HIVEP2: variants seen among roughly 807,000 people sequenced by gnomAD.
The protein encoded by HIVEP2 is transcription factor HIVEP2.
Under a neutral mutation model 180.7 loss-of-function variants are expected in HIVEP2, and 14 were observed. The observed-to-expected ratio is 0.08, with a 90% CI of 0.05 to 0.12. The LOEUF is 0.12. Among genes scored for constraint, HIVEP2 ranks in the 10% least tolerant of loss-of-function variants. The pLI is 1.00. For missense variants in HIVEP2, 2,579 were observed against 3,008.5 expected, an observed-to-expected ratio of 0.86 and a Z score of 3.34; for synonymous variants, 1,184 against 1,136.4, an observed-to-expected ratio of 1.04 and a Z score of -0.84.
intron 1 of HIVEP2, among the ~76,000 whole-genome samples, chr6:142,861,865 A>G (rs1775985871): frequency 6.6e-6 from 1 of 152,190 alleles, no homozygotes; most frequent in South Asian, 2.1e-4. Flanking sequence ...TGGAAGCCTT[A>G]CTAGAGATTA....
intron 1 of HIVEP2, among the ~76,000 whole-genome samples, chr6:142,944,359 C>CCT (rs1778250530): frequency 1.2e-5 from 1 of 84,540 alleles, no homozygotes; most frequent in African/African-American, 4.8e-5. Flanking sequence ...GATCTGGAGT[C>CCT]CACCCCCCCC....
At chr6:142,918,586 A>G (rs749075593) in intron 1 of HIVEP2, among the ~76,000 whole-genome samples, 5 of 152,222 alleles carry the variant, frequency 3.3e-5, no homozygotes, top group Non-Finnish European at 5.9e-5. Flanking sequence ...CCATGAGATC[A>G]TGCCAAGCTG....
chr6:142,939,644 A>G (rs1434253732), intron 1 of HIVEP2, among the ~76,000 whole-genome samples: 1 of 152,208 alleles, frequency 6.6e-6, no homozygotes, highest in East Asian at 1.9e-4. Flanking sequence ...TAATCTTTCC[A>G]GTTGGAAAAA....
chr6:142,880,573 C>T (rs1188176473), intron 1 of HIVEP2, among the ~76,000 whole-genome samples: 1 of 152,178 alleles, frequency 6.6e-6, no homozygotes, highest in Non-Finnish European at 1.5e-5. Context: ...TAAAGGCATT[C>T]GGTGTCCTCT....
intron 1 of HIVEP2, among the ~76,000 whole-genome samples, chr6:142,914,129 G>A (rs889413125): frequency 3.3e-5 from 5 of 152,198 alleles, no homozygotes; most frequent in African/African-American, 1.2e-4. Flanking sequence ...GTAACCGTGG[G>A]CAAGCAACTG....
In HIVEP2 at chr6:142,770,491, G is replaced by C. The variant is rs374359675; in HGVS notation, c.4248C>G (p.Gly1416=). Residue 1416 remains glycine (G), a synonymous_variant, in exon 5 of 10, where the codon GGC becomes GGG. Transcript: ENST00000367603. The surrounding 1 kb of genome is among the most constrained non-coding windows in gnomAD (Gnocchi z 4.7). ...AACACAAGGGGATGGAGGATTCTAA[G>C]CCGAGGGGCAAAGTCTGAGGTGCTT... is the stretch of plus-strand genomic sequence containing the variant. ...IWKAPQTLPL[G]LESSIPLCLP... The C allele has an allele frequency of 6.2e-7, 1 of 1,614,196 alleles. No homozygotes were observed. Among genetic ancestry groups the C allele is most frequent in the Non-Finnish European group, 8.5e-7 (1 of 1,180,046 alleles).
intron 1 of HIVEP2, among the ~76,000 whole-genome samples, chr6:142,837,505 T>A (rs1775255055): frequency 6.6e-6 from 1 of 152,074 alleles, no homozygotes; most frequent in Admixed American, 6.6e-5. Flanking sequence ...TAGAAACTAA[T>A]ATCTAGACAG....
Position 142,768,394 on chromosome 6 carries a change from A to G in HIVEP2, c.5330T>C (p.Ile1777Thr). The G allele has an allele frequency of 6.2e-7, 1 of 1,610,678 alleles. No individual in the cohort carries two copies. The highest frequency in any genetic ancestry group is 8.5e-7 in the Non-Finnish European group (1 of 1,178,940). Residue 1777 changes from isoleucine (I) to threonine (T), a missense_variant, in exon 6 of 10, where the codon ATA becomes ACA. Physicochemically the swap from Ile to Thr is moderately conservative, Grantham distance 89. This residue lies in a region of HIVEP2 where 349 missense variants were observed against 367.2 expected (regional missense o/e 0.95). Coordinates refer to ENST00000367603, the MANE Select transcript of HIVEP2 (RefSeq NM_006734.4). ...SKQTEPIRIKIFEGGYKSNED... is the reference protein window; with the variant it reads ...SKQTEPIRIKTFEGGYKSNED... ...TTTGTTTCCTTACCCTCCTTCAAAT[A>G]TTTTAATTCGGATTGGCTCAGTTTG... is the stretch of plus-strand genomic sequence containing the variant.
At chr6:142,835,107 C>T (rs1314025947) in intron 2 of HIVEP2, among the ~76,000 whole-genome samples, 1 of 152,100 alleles carries the variant, frequency 6.6e-6, no homozygotes, top group Admixed American at 6.5e-5. Flanking sequence ...ATGACTATTA[C>T]CCCTATTAAT....
At chr6:142,755,628 G>A (rs976256171) in intron 9 of HIVEP2, among the ~76,000 whole-genome samples, 1 of 152,198 alleles carries the variant, frequency 6.6e-6, no homozygotes, top group Non-Finnish European at 1.5e-5. Flanking sequence ...GAGAGAGAGA[G>A]AGATGTCCTA....
intron 1 of HIVEP2, among the ~76,000 whole-genome samples, chr6:142,867,372 G>A (rs1776166609): frequency 6.6e-6 from 1 of 152,038 alleles, no homozygotes; most frequent in African/African-American, 2.4e-5. Flanking sequence ...AACTATCAGT[G>A]GTATTTATCA....
chr6:142,915,984 C>T (rs1408171794), intron 1 of HIVEP2, among the ~76,000 whole-genome samples: 2 of 152,198 alleles, frequency 1.3e-5, no homozygotes, highest in Non-Finnish European at 2.9e-5. Flanking sequence ...TGTGCCTCTG[C>T]CCATTCAGGC....
intron 2 of HIVEP2, among the ~76,000 whole-genome samples, chr6:142,792,375 T>C (rs1454411125): frequency 6.6e-6 from 1 of 152,164 alleles, no homozygotes; most frequent in Non-Finnish European, 1.5e-5. Context: ...AGTGGGATAC[T>C]ATGCAGCCAT....
chr6:142,757,809 G>A (rs1237227346), intron 9 of HIVEP2, among the ~76,000 whole-genome samples: 4 of 152,148 alleles, frequency 2.6e-5, no homozygotes, highest in Non-Finnish European at 5.9e-5. Flanking sequence ...AACTCCCTTA[G>A]TCCACTCTTC....
At chr6:142,905,780 A>G (rs1032381695) in intron 1 of HIVEP2, among the ~76,000 whole-genome samples, 2 of 152,240 alleles carry the variant, frequency 1.3e-5, no homozygotes, top group Non-Finnish European at 2.9e-5. Context: ...ATGGTTTTAG[A>G]ATATACAAGT....
chr6:142,803,696 G>T (rs1235548143), intron 2 of HIVEP2, among the ~76,000 whole-genome samples: 1 of 151,992 alleles, frequency 6.6e-6, no homozygotes, highest in East Asian at 1.9e-4. Context: ...CTGCATAGGC[G>T]TCAGCAAAAA....
chr6:142,768,474 G>T lies in HIVEP2; in HGVS notation c.5250C>A (p.Ile1750=). 6.2e-7 allele frequency: 1 copy of T among 1,613,182 alleles called. No individual in the cohort carries two copies. The highest frequency in any genetic ancestry group is 8.5e-7 in the Non-Finnish European group (1 of 1,179,572). The change falls in exon 6 of 10, where the codon ATC becomes ATA. Residue 1750 remains isoleucine, a synonymous_variant. Coordinates refer to ENST00000367603, the MANE Select transcript of HIVEP2 (RefSeq NM_006734.4). ...TATCTCCTTTCCCTCTTTCCTTTAA[G>T]ATATTTCCCACTAGTTTCCTTTCTA... The part of the protein sequence containing the change: ...SKLERKLVGN[I]LKERGKGDIH...
At chr6:142,848,250 G>A (rs1775564550) in intron 1 of HIVEP2, among the ~76,000 whole-genome samples, 1 of 152,190 alleles carries the variant, frequency 6.6e-6, no homozygotes, top group Admixed American at 6.5e-5. Context: ...CACAAATACA[G>A]TCTTATCTAT....
At chr6:142,865,778 C>T (rs970477658) in intron 1 of HIVEP2, among the ~76,000 whole-genome samples, 14 of 152,120 alleles carry the variant, frequency 9.2e-5, no homozygotes, top group Non-Finnish European at 1.5e-4. Flanking sequence ...GAAAGCGTTT[C>T]GCATGCTTCA....
Sources: gnomAD v4.1 joint callset for allele counts (sites outside exome capture counted in the v4.1 genomes callset) on GRCh38, gnomAD v4.1.1 for gene constraint, gnomAD v4.1.1 regional missense constraint, Gnocchi (gnomAD v3.1) non-coding constraint, MANE v1.5 for transcripts, NCBI Gene and HGNC (gene_info 2026-07-23, HGNC 2026-07-21) for gene names.